DPP10: variants seen among roughly 807,000 people sequenced by gnomAD.
DPP10 encodes the protein dipeptidyl peptidase like 10.
Under a neutral mutation model 120.9 loss-of-function variants are expected in DPP10, and 33 were observed. The observed-to-expected ratio is 0.27, with a 90% CI of 0.21 to 0.37. The LOEUF (loss-of-function observed/expected upper bound fraction) is 0.37, where lower values mean the gene tolerates loss of function less well. Among genes scored for constraint, DPP10 ranks in the 10% least tolerant of loss-of-function variants. The pLI, the probability that DPP10 is intolerant of heterozygous loss-of-function variation, is 1.00. For synonymous variants in DPP10, 337 were observed against 326.1 expected, an observed-to-expected ratio of 1.03 and a Z score of -0.36; for missense variants, 816 against 942.8, an observed-to-expected ratio of 0.87 and a Z score of 1.76.
rs564683026 is a variant in DPP10, at chr2:115,297,997, G to T, written c.61-11242G>T. On this transcript the variant is annotated intron_variant, in intron 1 of 25. Coordinates refer to ENST00000410059, the MANE Select transcript of DPP10 (RefSeq NM_020868.6). ...TGTCTTTTCTCTCTGTGTTTGAGAT[G>T]CAGATAGCTAGTTATCCGCCAGTCC... 3.3e-5 allele frequency among the ~76,000 whole-genome samples: 5 copies of T among 152,160 alleles called. No homozygotes were observed. The East Asian group carries it at 7.8e-4, about 24-fold the overall frequency.
chr2:114,742,994 A>G (rs552837000), intron 1 of DPP10, among the ~76,000 whole-genome samples: 1 of 152,342 alleles, frequency 6.6e-6, no homozygotes, highest in South Asian at 2.1e-4. Flanking sequence ...AAATTTTAGT[A>G]ACACCTTGAA....
At chr2:114,603,699 C>T (rs1329233677) in intron 1 of DPP10, among the ~76,000 whole-genome samples, 2 of 152,056 alleles carry the variant, frequency 1.3e-5, no homozygotes, top group African/African-American at 2.4e-5. Context: ...TACTTTTCTA[C>T]ATCCTCCTCT....
At chr2:115,776,309 A>G (rs1414920782) in intron 13 of DPP10, among the ~76,000 whole-genome samples, 1 of 151,738 alleles carries the variant, frequency 6.6e-6, no homozygotes, top group African/African-American at 2.4e-5. Flanking sequence ...CTAGCCCCCA[A>G]CCTCCTGACA....
intron 5 of DPP10, among the ~76,000 whole-genome samples, chr2:115,636,504 A>G (rs2149335236): frequency 6.6e-6 from 1 of 152,254 alleles, no homozygotes; most frequent in South Asian, 2.1e-4. Flanking sequence ...ATAATTGTGC[A>G]ATCTCCTTTG....
intron 5 of DPP10, among the ~76,000 whole-genome samples, chr2:115,593,368 T>C (rs2082791731): frequency 1.3e-5 from 2 of 152,232 alleles, no homozygotes; most frequent in African/African-American, 4.8e-5. Flanking sequence ...GACAGATTCT[T>C]CTGGATTGTA....
At chr2:114,727,216 C>T (rs774362323) in intron 1 of DPP10, among the ~76,000 whole-genome samples, 6 of 152,082 alleles carry the variant, frequency 3.9e-5, no homozygotes, top group Non-Finnish European at 8.8e-5. Context: ...TGGGAGCAGG[C>T]GATGGCTGGC....
At chr2:115,010,411 T>C (rs779903003) in intron 1 of DPP10, among the ~76,000 whole-genome samples, 1 of 152,146 alleles carries the variant, frequency 6.6e-6, no homozygotes, top group Non-Finnish European at 1.5e-5. Flanking sequence ...TACACATAAA[T>C]GATGTATTTT....
intron 10 of DPP10, among the ~76,000 whole-genome samples, chr2:115,752,068 G>A (rs1483250229): frequency 6.6e-6 from 1 of 152,190 alleles, no homozygotes; most frequent in Non-Finnish European, 1.5e-5. Flanking sequence ...AAAGTGCTGG[G>A]ATTACAGGCA....
intron 1 of DPP10, among the ~76,000 whole-genome samples, chr2:115,118,141 A>G (rs1401877912): frequency 6.6e-6 from 1 of 152,204 alleles, no homozygotes; most frequent in Non-Finnish European, 1.5e-5. Context: ...CCTAGATGTT[A>G]CTGTTGATCC....
chr2:114,851,989 T>C (rs1168970186), intron 1 of DPP10, among the ~76,000 whole-genome samples: 1 of 152,034 alleles, frequency 6.6e-6, no homozygotes, highest in Non-Finnish European at 1.5e-5. Context: ...TTGAGGCCTA[T>C]AGGGTAAAAA....
intron 1 of DPP10, among the ~76,000 whole-genome samples, chr2:114,922,011 T>C (rs999518871): frequency 6.6e-6 from 1 of 152,256 alleles, no homozygotes; most frequent in Non-Finnish European, 1.5e-5. Context: ...CAAAGTGCTA[T>C]AATCATATTA....
At chr2:115,062,563 C>T (rs1706502160) in intron 1 of DPP10, among the ~76,000 whole-genome samples, 4 of 152,120 alleles carry the variant, frequency 2.6e-5, no homozygotes, top group Admixed American at 2.6e-4. Flanking sequence ...TCAACTGGCC[C>T]CAGTGTGTGT....
chr2:115,060,201 T>A (rs59431085), intron 1 of DPP10, among the ~76,000 whole-genome samples: 21,674 of 148,096 alleles, frequency 0.15, 1,678 homozygotes, highest in African/African-American at 0.21. Context: ...ATAAAGAAAT[T>A]TATATATATA....
chr2:115,732,186 C>A, intron 8 of DPP10, among the ~76,000 whole-genome samples: 1 of 152,012 alleles, frequency 6.6e-6, no homozygotes, highest in Non-Finnish European at 1.5e-5. Flanking sequence ...TGTAACATTT[C>A]AACTTTTTTA....
intron 1 of DPP10, among the ~76,000 whole-genome samples, chr2:115,178,625 C>T (rs1413672424): frequency 1.3e-5 from 2 of 152,174 alleles, no homozygotes; most frequent in Non-Finnish European, 2.9e-5. Flanking sequence ...ATAACTACTG[C>T]ATTTATTAGC....
chr2:114,632,516 T>TTTG (rs1558949976), intron 1 of DPP10, among the ~76,000 whole-genome samples: 5 of 135,998 alleles, frequency 3.7e-5, no homozygotes, highest in African/African-American at 1.4e-4. Flanking sequence ...TTTTTTTTTT[T>TTTG]TTTTTTTTTT....
chr2:114,795,596 C>T (rs1282800693), intron 1 of DPP10, among the ~76,000 whole-genome samples: 1 of 152,020 alleles, frequency 6.6e-6, no homozygotes, highest in Non-Finnish European at 1.5e-5. Context: ...CACAGTTGAC[C>T]CTTGAACAAC....
intron 1 of DPP10, among the ~76,000 whole-genome samples, chr2:115,067,049 A>T (rs1706899130): frequency 6.7e-6 from 1 of 149,406 alleles, no homozygotes; most frequent in East Asian, 1.9e-4. Context: ...TCATTTTACC[A>T]ATGTCTCCTC....
chr2:115,273,855 G>GGTAGAAC (rs2059802614), intron 1 of DPP10, among the ~76,000 whole-genome samples: 1 of 152,110 alleles, frequency 6.6e-6, no homozygotes, highest in Non-Finnish European at 1.5e-5. Flanking sequence ...AACTGTTTTG[G>GGTAGAAC]GTAGAACGCT....
Sources: gnomAD v4.1 joint callset for allele counts (sites outside exome capture counted in the v4.1 genomes callset) on GRCh38, gnomAD v4.1.1 for gene constraint, MANE v1.5 for transcripts, NCBI Gene and HGNC (gene_info 2026-07-23, HGNC 2026-07-21) for gene names.